SIL1: variants seen among roughly 807,000 people sequenced by gnomAD.
SIL1 encodes nucleotide exchange factor SIL1.
Under a neutral mutation model 49.1 loss-of-function variants are expected in SIL1, and 40 were observed. The observed-to-expected ratio is 0.81, with a 90% CI of 0.63 to 1.06. The LOEUF (loss-of-function observed/expected upper bound fraction) is 1.06, where lower values mean the gene tolerates loss of function less well. Among genes scored for constraint, SIL1 ranks in the 50% least tolerant of loss-of-function variants. The pLI is 0.00. For synonymous variants in SIL1, 253 were observed against 250.8 expected (o/e 1.01, Z -0.08); for missense variants, 500 against 572.6 (o/e 0.87, Z 1.29).
intron 7 of SIL1, among the ~76,000 whole-genome samples, chr5:139,004,786 G>C (rs559229456): frequency 3.4e-4 from 51 of 151,984 alleles, no homozygotes; most frequent in African/African-American, 1.2e-3. Context: ...AAAAAATAAA[G>C]AAAAACTGCC....
intron 1 of SIL1, among the ~76,000 whole-genome samples, chr5:139,181,295 T>C (rs1248601194): frequency 6.6e-6 from 1 of 152,170 alleles, no homozygotes; most frequent in African/African-American, 2.4e-5. Flanking sequence ...CTAGTCACAG[T>C]GCCAGAAACA....
intron 9 of SIL1, among the ~76,000 whole-genome samples, chr5:138,950,057 A>C (rs536832158): frequency 7.2e-4 from 110 of 152,298 alleles, no homozygotes; most frequent in African/African-American, 2.5e-3. Context: ...GCCTCGGGGC[A>C]GCCTTGGTGA....
chr5:139,139,286 A>C (rs1751035756), intron 1 of SIL1, among the ~76,000 whole-genome samples: 1 of 152,208 alleles, frequency 6.6e-6, no homozygotes, highest in Admixed American at 6.5e-5. Flanking sequence ...TTCACACCAC[A>C]GTCATCCAGA....
chr5:139,090,493 T>C (rs1351101785), intron 3 of SIL1, among the ~76,000 whole-genome samples: 2 of 152,184 alleles, frequency 1.3e-5, no homozygotes, highest in Admixed American at 1.3e-4. Context: ...ATTAAAATGG[T>C]TTGATACTGG....
chr5:139,179,014 A>C (rs918116013), intron 1 of SIL1, among the ~76,000 whole-genome samples: 1 of 152,066 alleles, frequency 6.6e-6, no homozygotes, highest in Non-Finnish European at 1.5e-5. Flanking sequence ...TTCTCTCCCA[A>C]ATTTCTTACA....
At chr5:138,955,855 T>A (rs1766891061) in intron 7 of SIL1, among the ~76,000 whole-genome samples, 2 of 152,262 alleles carry the variant, frequency 1.3e-5, no homozygotes, top group Admixed American at 6.5e-5. Flanking sequence ...ACGGAAATCC[T>A]GCTCCAGGGT....
At chr5:139,004,363 T>C (rs1162898216) in intron 7 of SIL1, among the ~76,000 whole-genome samples, 1 of 152,166 alleles carries the variant, frequency 6.6e-6, no homozygotes, top group African/African-American at 2.4e-5. Flanking sequence ...TTCTCCTGAA[T>C]CACTGTGCAT....
chr5:139,168,720 C>T (rs1751673515), intron 1 of SIL1, among the ~76,000 whole-genome samples: 1 of 151,976 alleles, frequency 6.6e-6, no homozygotes, highest in Non-Finnish European at 1.5e-5. Context: ...CACCTGTAAT[C>T]CCAGTATAGG....
At chr5:139,001,829 C>A (rs963439972) in intron 7 of SIL1, among the ~76,000 whole-genome samples, 3 of 151,872 alleles carry the variant, frequency 2.0e-5, no homozygotes, top group Non-Finnish European at 4.4e-5. Flanking sequence ...GGTGTGAACC[C>A]GGGAGGCAGA....
At chr5:138,949,970 T>C (rs1361707513) in intron 9 of SIL1, among the ~76,000 whole-genome samples, 1 of 152,156 alleles carries the variant, frequency 6.6e-6, no homozygotes, top group Non-Finnish European at 1.5e-5. Context: ...GTACTGTTTG[T>C]AGAGAGATGC....
chr5:139,066,373 T>C (rs1581073424), intron 3 of SIL1, among the ~76,000 whole-genome samples: 1 of 152,252 alleles, frequency 6.6e-6, no homozygotes, highest in East Asian at 1.9e-4. Context: ...CTTTTTTTTT[T>C]TGAGATGGAG....
chr5:139,152,895 C>G (rs1581136909), intron 1 of SIL1, among the ~76,000 whole-genome samples: 1 of 152,094 alleles, frequency 6.6e-6, no homozygotes, highest in African/African-American at 2.4e-5. Context: ...CTCAGCTCAC[C>G]GCAACCTCTG....
At chr5:138,965,012 C>T (rs188242550) in intron 7 of SIL1, among the ~76,000 whole-genome samples, 14 of 152,318 alleles carry the variant, frequency 9.2e-5, no homozygotes, top group African/African-American at 1.2e-4. Context: ...CTGAGGGTGA[C>T]GCTGGGAAGA....
chr5:139,179,677 G>C (rs1460905760), intron 1 of SIL1, among the ~76,000 whole-genome samples: 1 of 152,050 alleles, frequency 6.6e-6, no homozygotes, highest in African/African-American at 2.4e-5. Context: ...AAAACAAATG[G>C]GAAATGAATA....
chr5:138,978,368 G>C (rs1376181487), intron 7 of SIL1, among the ~76,000 whole-genome samples: 3 of 152,036 alleles, frequency 2.0e-5, no homozygotes, highest in African/African-American at 7.3e-5. Context: ...ACATGTATCA[G>C]TACTTCATTT....
intron 1 of SIL1, among the ~76,000 whole-genome samples, chr5:139,150,473 C>G (rs1047222126): frequency 1.3e-5 from 2 of 152,124 alleles, no homozygotes; most frequent in African/African-American, 4.8e-5. Flanking sequence ...TCCCCCTATG[C>G]TCCTGTTCTC....
intron 1 of SIL1, among the ~76,000 whole-genome samples, chr5:139,135,485 T>C (rs1750955573): frequency 6.6e-6 from 1 of 152,096 alleles, no homozygotes; most frequent in African/African-American, 2.4e-5. Flanking sequence ...GCAGTACAGA[T>C]GTTAGCCCTG....
At chr5:138,965,247 C>T (rs1767112188) in intron 7 of SIL1, among the ~76,000 whole-genome samples, 2 of 152,184 alleles carry the variant, frequency 1.3e-5, no homozygotes, top group Admixed American at 6.5e-5. Flanking sequence ...ACCCTCAAAT[C>T]GGGTGTTAGA....
chr5:139,068,826 A>C (rs1184413439), intron 3 of SIL1, among the ~76,000 whole-genome samples: 2 of 152,154 alleles, frequency 1.3e-5, no homozygotes, highest in African/African-American at 4.8e-5. Context: ...AGAAGAAAGA[A>C]AAGAATAACA....
Sources: allele counts gnomAD v4.1 joint callset (sites outside exome capture counted in the v4.1 genomes callset), GRCh38; gene constraint gnomAD v4.1.1; transcripts MANE v1.5; gene names NCBI Gene and HGNC (gene_info 2026-07-23, HGNC 2026-07-21).